MARCHF1: variants seen among roughly 807,000 people sequenced by gnomAD.
MARCHF1 encodes membrane associated ring-CH-type finger 1, also known as E3 ubiquitin-protein ligase MARCHF1.
MARCHF1 carries 40 observed loss-of-function variants against 54.2 expected under a neutral mutation model. That is an observed-to-expected ratio of 0.74 (90% confidence interval 0.57 to 0.96). The LOEUF is 0.96. Among genes scored for constraint, MARCHF1 ranks in the 40% least tolerant of loss-of-function variants. The pLI is 0.00. For missense variants in MARCHF1, 586 were observed against 656.5 expected (o/e 0.89, Z 1.17); for synonymous variants, 236 against 236.3 (o/e 1.00, Z 0.01).
At chr4:163,779,728 T>C (rs1747409283) in intron 4 of MARCHF1, among the ~76,000 whole-genome samples, 1 of 152,160 alleles carries the variant, frequency 6.6e-6, no homozygotes, top group Non-Finnish European at 1.5e-5. Context: ...GGAGATATTC[T>C]TGGGATGTAG....
intron 9 of MARCHF1, among the ~76,000 whole-genome samples, chr4:163,540,274 C>T (rs945494329): frequency 7.2e-5 from 11 of 152,204 alleles, no homozygotes; most frequent in Admixed American, 5.9e-4. Flanking sequence ...TTAACAGTGA[C>T]AGTGGCTGTG....
At chr4:164,018,496 C>A (rs1753593681) in intron 2 of MARCHF1, among the ~76,000 whole-genome samples, 1 of 151,702 alleles carries the variant, frequency 6.6e-6, no homozygotes, top group South Asian at 2.1e-4. Context: ...AATAGGAAGA[C>A]AATCTAATAT....
At chr4:164,310,323 A>C (rs1734814684) in intron 1 of MARCHF1, among the ~76,000 whole-genome samples, 1 of 152,020 alleles carries the variant, frequency 6.6e-6, no homozygotes, top group Non-Finnish European at 1.5e-5. Context: ...TGATCCGCCT[A>C]CCTTGTATTC....
At chr4:164,018,490 G>A (rs553386272) in intron 2 of MARCHF1, among the ~76,000 whole-genome samples, 1 of 151,650 alleles carries the variant, frequency 6.6e-6, no homozygotes, top group East Asian at 1.9e-4. Flanking sequence ...CTCAATAATA[G>A]GAAGACAATC....
At chr4:163,979,512 T>C in intron 3 of MARCHF1, among the ~76,000 whole-genome samples, 1 of 147,574 alleles carries the variant, frequency 6.8e-6, no homozygotes, top group Non-Finnish European at 1.5e-5. Context: ...AGCAGCATGA[T>C]TTATAGTCAT....
At position 163,677,650 on chromosome 4, in the gene MARCHF1, A is replaced by T. The variant is rs551984948; in HGVS notation, c.162+23163T>A. On this transcript the variant is annotated intron_variant, in intron 5 of 9. Transcript: ENST00000514618. The stretch of plus-strand genomic sequence containing the variant: ...TGTGCCAACATTTTATTTTTCAGCA[A>T]CACTTTACATCATGTGATATTATTT... Among the ~76,000 whole-genome samples, 10 of 152,308 alleles carry T rather than the reference A, an allele frequency of 6.6e-5. No individual in the cohort carries two copies. In the East Asian group the frequency reaches 1.3e-3, roughly 21 times the overall value.
intron 4 of MARCHF1, among the ~76,000 whole-genome samples, chr4:163,824,506 C>T (rs2111066022): frequency 7.4e-6 from 1 of 135,754 alleles, no homozygotes; most frequent in Admixed American, 8.0e-5. Flanking sequence ...GGATTAAAGA[C>T]TTAAATGTTA....
chr4:163,646,728 G>A (rs964967555), intron 5 of MARCHF1, among the ~76,000 whole-genome samples: 1 of 152,022 alleles, frequency 6.6e-6, no homozygotes, highest in Non-Finnish European at 1.5e-5. Flanking sequence ...GTTTTATGAA[G>A]TGTCAGGAAA....
chr4:164,197,090 C>G, intron 1 of MARCHF1: 1 of 1,606,748 alleles, frequency 6.2e-7, no homozygotes, highest in Non-Finnish European at 8.5e-7. Flanking sequence ...TTATAACCTT[C>G]TTCATCCTCC....
At chr4:164,253,518 C>A (rs1483686531) in intron 1 of MARCHF1, among the ~76,000 whole-genome samples, 1 of 152,026 alleles carries the variant, frequency 6.6e-6, no homozygotes, top group Non-Finnish European at 1.5e-5. Context: ...AGGATGGTAG[C>A]AGTGGATTAC....
chr4:163,837,949 T>C (rs1202045683), intron 4 of MARCHF1, among the ~76,000 whole-genome samples: 1 of 152,102 alleles, frequency 6.6e-6, no homozygotes, highest in African/African-American at 2.4e-5. Context: ...AGTAATAAAA[T>C]GACAACTAAA....
intron 1 of MARCHF1, among the ~76,000 whole-genome samples, chr4:164,345,731 T>C (rs1248019685): frequency 2.0e-5 from 3 of 152,032 alleles, no homozygotes; most frequent in Non-Finnish European, 4.4e-5. Context: ...ATATTGTTAT[T>C]GGACCTTGGC....
chr4:164,129,268 G>A (rs561789724), intron 1 of MARCHF1, among the ~76,000 whole-genome samples: 37 of 152,162 alleles, frequency 2.4e-4, no homozygotes, highest in Non-Finnish European at 3.5e-4. Context: ...TTTGTCGTTC[G>A]GAAATATGAT....
At chr4:164,334,597 T>A (rs577285866) in intron 1 of MARCHF1, among the ~76,000 whole-genome samples, 9 of 152,264 alleles carry the variant, frequency 5.9e-5, no homozygotes, top group Admixed American at 5.9e-4. Flanking sequence ...CTGATGGAGA[T>A]GTACAAGGAG....
chr4:163,705,190 G>T (rs1359369010), intron 4 of MARCHF1, among the ~76,000 whole-genome samples: 1 of 151,612 alleles, frequency 6.6e-6, no homozygotes, highest in Non-Finnish European at 1.5e-5. Flanking sequence ...CAACCGAGCT[G>T]TATTTTACTT....
At chr4:163,864,398 C>T (rs906231233) in intron 3 of MARCHF1, among the ~76,000 whole-genome samples, 11 of 151,656 alleles carry the variant, frequency 7.3e-5, no homozygotes, top group Non-Finnish European at 1.2e-4. Flanking sequence ...AAAACTGTCA[C>T]GGACATGAAA....
chr4:163,658,789 G>A (rs1048900340), intron 5 of MARCHF1, among the ~76,000 whole-genome samples: 1 of 151,890 alleles, frequency 6.6e-6, no homozygotes, highest in South Asian at 2.1e-4. Context: ...GGGGCCTGAT[G>A]GTCGGGGGAA....
chr4:164,249,011 A>G lies in MARCHF1; in HGVS notation c.-323+134859T>C, dbSNP rs1733044607. ...CTTTATATTTACCAAGTGTTGCTAC[A>G]ATTTCTGTTTACCAAAACTTTTCCC... On this transcript the variant is annotated intron_variant, in intron 1 of 9. Transcript: ENST00000514618. 2.0e-5 allele frequency among the ~76,000 whole-genome samples: 3 copies of G among 152,198 alleles called. No homozygotes were observed. In the South Asian group the frequency reaches 6.2e-4, roughly 32 times the overall value.
At chr4:163,680,188 C>T (rs1447633461) in intron 5 of MARCHF1, among the ~76,000 whole-genome samples, 1 of 152,092 alleles carries the variant, frequency 6.6e-6, no homozygotes, top group Non-Finnish European at 1.5e-5. Context: ...CAGATGCAAC[C>T]GTTTGATCCA....
Sources: gnomAD v4.1 joint callset for allele counts (sites outside exome capture counted in the v4.1 genomes callset) on GRCh38, gnomAD v4.1.1 for gene constraint, MANE v1.5 for transcripts, NCBI Gene and HGNC (gene_info 2026-07-23, HGNC 2026-07-21) for gene names.